The following NBPF15 variants were observed in gnomAD, a reference collection of about 807,000 sequenced individuals.
NBPF15 encodes NBPF member 15.
Under a neutral mutation model 62.2 loss-of-function variants are expected in NBPF15, and 74 were observed. That is an observed-to-expected ratio of 1.19 (90% CI 0.99 to 1.44). The LOEUF is 1.44. Ranked by LOEUF, NBPF15 falls within the 40% of genes most tolerant of loss-of-function variation. NBPF15 has a pLI of 0.00. For synonymous variants in NBPF15, 244 were observed against 209.7 expected (o/e 1.16, Z -1.41); for missense variants, 790 against 550.0 (o/e 1.44, Z -4.36).
intron 6 of NBPF15, among the ~76,000 whole-genome samples, chr1:144,447,989 C>T (rs1337637503): frequency 6.6e-6 from 1 of 152,034 alleles, no homozygotes; most frequent in Non-Finnish European, 1.5e-5. Flanking sequence ...GTCGGCTGCT[C>T]ATTTGTCCAG....
At chr1:144,439,756 G>C (rs2102209752) in intron 8 of NBPF15, 73 bp downstream of exon 8, 1 of 1,083,830 alleles carries the variant, frequency 9.2e-7, no homozygotes, top group Admixed American at 1.7e-5. Flanking sequence ...TTGATGGAGA[G>C]AGCATTTAGT....
intron 8 of NBPF15, 58 bp downstream of exon 8, chr1:144,439,771 C>CA (rs1681458457): frequency 7.4e-7 from 1 of 1,351,554 alleles, no homozygotes; most frequent in Admixed American, 1.7e-5. Flanking sequence ...TTTAGTGTCT[C>CA]AGAGAGAAGA....
At chr1:144,458,828 C>T (rs757745652) in intron 3 of NBPF15, among the ~76,000 whole-genome samples, 9 of 151,560 alleles carry the variant, frequency 5.9e-5, no homozygotes, top group Admixed American at 6.6e-5. Context: ...TTACTTGAGC[C>T]CAAGAGTTTG....
intron 4 of NBPF15, among the ~76,000 whole-genome samples, 170 bp from the exon 5 acceptor site, chr1:144,451,040 C>T (rs1373227720): frequency 1.3e-5 from 2 of 152,020 alleles, no homozygotes; most frequent in African/African-American, 4.8e-5. Flanking sequence ...AGGACCCATG[C>T]CAGCACTGGC....
chr1:144,457,077 G>T (rs1336538025), intron 3 of NBPF15, among the ~76,000 whole-genome samples: 1 of 151,970 alleles, frequency 6.6e-6, no homozygotes, highest in Non-Finnish European at 1.5e-5. Context: ...TACTCAGAAG[G>T]CTGAGGCAGG....
chr1:144,444,983 CAAGTAT>C (rs1285183056), intron 6 of NBPF15, among the ~76,000 whole-genome samples: 7 of 151,552 alleles, frequency 4.6e-5, no homozygotes, highest in Non-Finnish European at 1.0e-4. Flanking sequence ...TTCATTCCTA[CAAGTAT>C]AAGACTTCCA....
intron 6 of NBPF15, among the ~76,000 whole-genome samples, chr1:144,440,809 C>G (rs1571139403): frequency 6.6e-6 from 1 of 150,732 alleles, no homozygotes; most frequent in Non-Finnish European, 1.5e-5. Context: ...CCCGCCACCA[C>G]GCCCGGCTAA....
intron 20 of NBPF15, among the ~76,000 whole-genome samples, chr1:144,424,197 A>G (rs1369225990): frequency 6.6e-6 from 1 of 152,052 alleles, no homozygotes; most frequent in Non-Finnish European, 1.5e-5. Flanking sequence ...GTAGATCGTT[A>G]TCCCAATAAC....
chr1:144,427,066 G>T lies in NBPF15; in HGVS notation c.1246C>A (p.Gln416Lys). ...IEKYQEVEED[Q>K]DPSCPRLSRE... ...AGTTACCTGGGGCATGATGGGTCTT[G>T]GTCTTCTTCCACTTCTTGGTACTTT... Residue 416 changes from glutamine (Q) to lysine (K), a missense_variant, in exon 17 of 22, where the codon CAA (glutamine) becomes AAA (lysine). Transcript: ENST00000581897. 2.8e-6 allele frequency: 2 copies of T among 702,694 alleles called. No homozygotes were observed. Among genetic ancestry groups the T allele is most frequent in the East Asian group, 2.5e-5 (1 of 40,030 alleles). 43.5% of individuals were successfully genotyped at this position (702,694 alleles called of 1,614,324 possible).
At chr1:144,433,158 C>A (rs1340314340) in intron 13 of NBPF15, among the ~76,000 whole-genome samples, 1 of 151,954 alleles carries the variant, frequency 6.6e-6, no homozygotes, top group South Asian at 2.1e-4. Flanking sequence ...CACTCAAAAC[C>A]GCACAACTAC....
At position 144,457,900 on chromosome 1, in the gene NBPF15, A is replaced by G. The variant is rs28458801; in HGVS notation, c.-700-1095T>C. 4.6e-4 allele frequency among the ~76,000 whole-genome samples: 70 copies of G among 152,016 alleles called. 1 individual carries two copies. Among genetic ancestry groups the G allele is most frequent in the African/African-American group, 1.5e-3 (62 of 41,438 alleles). ...AGCCCAGGAGTTTGAAACCAGTCTG[A>G]GCACTACAGGAAAACCCTGTCTACA... is the stretch of plus-strand genomic sequence containing the variant. On this transcript the variant is annotated intron_variant, in intron 3 of 21. Transcript: ENST00000581897.
chr1:144,428,556 A>T lies in NBPF15; in HGVS notation c.1040+50T>A. On this transcript the variant is annotated intron_variant, in intron 15 of 21. Coordinates refer to ENST00000581897, the MANE Select transcript of NBPF15 (RefSeq NM_001385408.1). The stretch of plus-strand genomic sequence containing the variant: ...ATGTACTGTTTTCCCTGGACTTGGC[A>T]TCTCCAGGTGTCAACATCAAATTAA... 4.3e-6 allele frequency: 3 copies of T among 700,910 alleles called. No individual in the cohort carries two copies. In the South Asian group the frequency reaches 4.7e-5, roughly 11 times the overall value. 43.4% of individuals were successfully genotyped at this position (700,910 alleles called of 1,614,324 possible).
At chr1:144,459,124 T>C (rs1438246674) in intron 3 of NBPF15, among the ~76,000 whole-genome samples, 10 of 151,884 alleles carry the variant, frequency 6.6e-5, no homozygotes, top group African/African-American at 1.7e-4. Context: ...AGGTTCGGCA[T>C]TGATTTCTTA....
At chr1:144,459,210 G>C (rs1375019662) in intron 3 of NBPF15, among the ~76,000 whole-genome samples, 156 bp downstream of exon 3, 1 of 151,694 alleles carries the variant, frequency 6.6e-6, no homozygotes, top group African/African-American at 2.4e-5. Flanking sequence ...AGAATCTCAG[G>C]CTGGGTGCAG....
rs1421755616 is a variant in NBPF15, at chr1:144,439,918, G to T, written c.86C>A (p.Ala29Glu). Residue 29 changes from alanine (A) to glutamate (E), a missense_variant, in exon 8 of 22, where the codon GCA (alanine) becomes GAA (glutamate). Transcript: ENST00000581897. ...GTTTCTGAACTGCTGTTTCTTCTCT[G>T]CCAACTGGGGGCGCAATTTCTCATT... is the stretch of plus-strand genomic sequence containing the variant. ...EINEKLRPQLAEKKQQFRNLK... is the reference protein window; with the variant it reads ...EINEKLRPQLEEKKQQFRNLK... The T allele has an allele frequency of 6.2e-7, 1 of 1,611,554 alleles. No homozygotes were observed. The highest frequency in any genetic ancestry group is 2.2e-5 in the East Asian group (1 of 44,848).
chr1:144,424,084 T>C (rs1667769720), intron 20 of NBPF15, 109 bp from the exon 21 acceptor site: 16 of 756,384 alleles, frequency 2.1e-5, no homozygotes, highest in South Asian at 2.0e-4. Flanking sequence ...AGCATAAGAA[T>C]ACGACACCAT....
Position 144,435,115 on chromosome 1 carries a change from A to G in NBPF15, c.768T>C (p.Ile256=), listed in dbSNP as rs587609814. 5.0e-6 allele frequency: 8 copies of G among 1,612,574 alleles called. 1 individual carries two copies. Among genetic ancestry groups the G allele is most frequent in the Non-Finnish European group, 6.8e-6 (8 of 1,179,704 alleles). The part of the protein sequence containing the change: ...HVEWEDAVHI[I]PENESDDEEE... ...CACAAGGAAAACAGAGGCTACCTGG[A>G]ATAATGTGTACAGCATCCTCCCATT... Residue 256 remains isoleucine, a synonymous_variant, in exon 12 of 22, where the codon ATT becomes ATC. Transcript: ENST00000581897.
rs1386576469 is a variant in NBPF15 at position 144,436,894 on chromosome 1, C to T, written c.493+1G>A. 7.4e-6 allele frequency: 12 copies of T among 1,611,806 alleles called. 1 individual carries two copies. The East Asian group carries it at 8.9e-5, about 12-fold the overall frequency. ...GTCATCAGGGCCTATGGCCACCTTA[C>T]CTGGGCTGAGCTTTTGGACAAGGTG... is the stretch of plus-strand genomic sequence containing the variant. On this transcript the variant is annotated splice_donor_variant, in intron 10 of 21. Transcript: ENST00000581897. LOFTEE classifies it high-confidence loss of function.
At position 144,421,494 on chromosome 1, in the gene NBPF15, G is replaced by GTGAT. The variant is rs1666027641; in HGVS notation, c.*1515_*1518dup. 6.6e-6 allele frequency: 1 copy of GTGAT among 151,874 alleles called. No homozygotes were observed. The highest frequency in any genetic ancestry group is 1.5e-5 in the Non-Finnish European group (1 of 67,928). 9.4% of individuals were successfully genotyped at this position (151,874 alleles called of 1,614,324 possible). A position where few individuals can be genotyped will look rare whatever the true frequency, so the allele number is the denominator to read the frequency against. ...GTAAAAAACAATCCAGAAGTCCAGA[G>GTGAT]TGATAGGCAAAAGGTTTTAATTGTA... is the stretch of plus-strand genomic sequence containing the variant. On this transcript the variant is annotated 3_prime_UTR_variant, in exon 22 of 22. Transcript: ENST00000581897.
Sources: allele counts gnomAD v4.1 joint callset (sites outside exome capture counted in the v4.1 genomes callset), GRCh38; gene constraint gnomAD v4.1.1; transcripts MANE v1.5; gene names NCBI Gene and HGNC (gene_info 2026-07-23, HGNC 2026-07-21).